The following SSB variants were observed in gnomAD, a reference collection of about 807,000 sequenced individuals.
SSB encodes lupus La protein.
A neutral mutation model predicts 52.9 loss-of-function variants in SSB; 17 were observed. The ratio of observed to expected loss-of-function variants is 0.32; its 90% CI spans 0.22 to 0.48. The LOEUF is 0.48. SSB is among the 20% of genes least tolerant of loss of function. The pLI, the probability that SSB is intolerant of heterozygous loss-of-function variation, is 0.99. For synonymous variants in SSB, 111 were observed against 152.1 expected, an observed-to-expected ratio of 0.73 and a Z score of 1.99; for missense variants, 314 against 463.6, an observed-to-expected ratio of 0.68 and a Z score of 2.96.
chr2:169,808,031 G>A (rs1189505201), intron 6 of SSB, among the ~76,000 whole-genome samples: 1 of 152,150 alleles, frequency 6.6e-6, no homozygotes, highest in Non-Finnish European at 1.5e-5. Context: ...GGATCTTGGG[G>A]ATTTTAGAAT....
intron 1 of SSB, chr2:169,799,400 C>G (rs1331084317): frequency 1.3e-5 from 2 of 151,156 alleles, no homozygotes; most frequent in Non-Finnish European, 2.9e-5. Context: ...TCTGTGGAGC[C>G]TATGGGACTG....
At chr2:169,803,226 T>TG (rs1573958112) in intron 2 of SSB, among the ~76,000 whole-genome samples, 2 of 152,034 alleles carry the variant, frequency 1.3e-5, no homozygotes, top group Non-Finnish European at 2.9e-5. Context: ...TGAAATGAGG[T>TG]TGGATTTTTT....
chr2:169,811,203 G>C lies in SSB; in HGVS notation c.1018G>C (p.Gly340Arg). The change falls in exon 11 of 12, where the codon GGA becomes CGA. Residue 340 changes from glycine (G) to arginine (R), a missense_variant. Transcript: ENST00000260956. ...KSKGRRFKGKGKGNKAAQPGS... is the reference protein window; with the variant it reads ...KSKGRRFKGKRKGNKAAQPGS... The stretch of plus-strand genomic sequence containing the variant: ...TACAGGTCGTAGATTTAAAGGAAAA[G>C]GAAAGGGTAATAAAGCTGCCCAGCC... The C allele has an allele frequency of 6.2e-7, 1 of 1,609,740 alleles. No individual in the cohort carries two copies. Among genetic ancestry groups the C allele is most frequent in the Non-Finnish European group, 8.5e-7 (1 of 1,179,118 alleles).
Position 169,810,972 on chromosome 2 carries a change from G to A in SSB, c.925G>A (p.Glu309Lys). Residue 309 changes from glutamate to lysine, a missense_variant, in exon 10 of 12, where the codon GAG becomes AAG. Physicochemically the swap from Glu to Lys is moderately conservative, Grantham distance 56. Transcript: ENST00000260956. Reference sequence around the variant, plus strand: ...AGTGACTTGGGAAGTACTAGAAGGAGAGGTGGAAAAAGAAGCACTGAAGAA... The same window carrying A: ...AGTGACTTGGGAAGTACTAGAAGGAAAGGTGGAAAAAGAAGCACTGAAGAA... ...KEVTWEVLEG[E>K]VEKEALKKII... 5.6e-6 allele frequency: 9 copies of A among 1,613,530 alleles called. No homozygotes were observed. The highest frequency in any genetic ancestry group is 6.8e-6 in the Non-Finnish European group (8 of 1,179,782).
intron 8 of SSB, 182 bp downstream of exon 8, chr2:169,809,084 C>T (rs1321031499): frequency 6.3e-6 from 4 of 637,216 alleles, no homozygotes; most frequent in African/African-American, 5.5e-5. Context: ...GAAATATGTT[C>T]TAAAATATGG....
chr2:169,810,481 A>G (rs1016738608), intron 9 of SSB, 58 bp downstream of exon 9: 113 of 1,473,644 alleles, frequency 7.7e-5, no homozygotes, highest in Non-Finnish European at 9.2e-5. Flanking sequence ...AGAAACTTAG[A>G]CAAAATTAGT....
At chr2:169,805,873 C>T (rs766314559) in intron 4 of SSB, 34 bp downstream of exon 4, 8 of 1,577,624 alleles carry the variant, frequency 5.1e-6, no homozygotes, top group Middle Eastern at 1.7e-4. Flanking sequence ...AAATATCTTA[C>T]ATTTATTTAG....
intron 2 of SSB, among the ~76,000 whole-genome samples, chr2:169,802,120 G>A (rs1231802818): frequency 1.3e-5 from 2 of 152,114 alleles, no homozygotes; most frequent in Non-Finnish European, 2.9e-5. Flanking sequence ...AGAAGGTAGA[G>A]GCTGCAGTGG....
In SSB at chr2:169,811,883, GTTGT is replaced by G. The variant is rs1558974267; in HGVS notation, c.*130_*133del. 1 of 1,611,280 alleles carries G rather than the reference GTTGT, an allele frequency of 6.2e-7. No homozygotes were observed. The highest frequency in any genetic ancestry group is 1.3e-5 in the African/African-American group (1 of 74,798). On this transcript the variant is annotated 3_prime_UTR_variant, in exon 12 of 12. Transcript: ENST00000260956. The stretch of plus-strand genomic sequence containing the variant: ...CCTGTGAGAAAGGAAAAATTTTTTT[GTTGT>G]TTAACTTGTCTTTTTGTTATGCAAA...
At chr2:169,799,261 C>A (rs762664044) in intron 1 of SSB, 1 of 150,388 alleles carries the variant, frequency 6.6e-6, no homozygotes, top group South Asian at 2.1e-4. Context: ...CTGTGGCTGC[C>A]CTCATCCCCA....
chr2:169,811,405 G>C, intron 11 of SSB, 82 bp downstream of exon 11: 1 of 1,446,824 alleles, frequency 6.9e-7, no homozygotes, highest in Non-Finnish European at 9.1e-7. Context: ...AGAGAATAGG[G>C]ATTTGGCTTT....
rs1400290253 is a variant in SSB at position 169,808,466 on chromosome 2, A to C, written c.555-16A>C. 6.2e-7 allele frequency: 1 copy of C among 1,608,248 alleles called. No homozygotes were observed. Among genetic ancestry groups the C allele is most frequent in the Non-Finnish European group, 8.5e-7 (1 of 1,174,970 alleles). ...TTGTTCTCGTGAACTTAGCCTCTGT[A>C]CTGTGTGTTCTTTAGGGACGATTAC... is the stretch of plus-strand genomic sequence containing the variant. On this transcript the variant is annotated splice_polypyrimidine_tract_variant and intron_variant, in intron 6 of 11. Coordinates refer to ENST00000260956, the MANE Select transcript of SSB (RefSeq NM_003142.5).
intron 2 of SSB, among the ~76,000 whole-genome samples, chr2:169,802,729 T>A (rs1262159590): frequency 6.6e-6 from 1 of 152,176 alleles, no homozygotes; most frequent in East Asian, 1.9e-4. Flanking sequence ...GAGCAGAAGG[T>A]ACAGAGATTT....
chr2:169,811,523 C>T, intron 11 of SSB, 145 bp from the exon 12 acceptor site: 2 of 1,292,844 alleles, frequency 1.5e-6, no homozygotes, highest in Non-Finnish European at 2.1e-6. Context: ...GAGGTCAGGT[C>T]TGTACTAAGA....
intron 6 of SSB, among the ~76,000 whole-genome samples, chr2:169,807,966 G>T (rs750393771): frequency 6.6e-5 from 10 of 152,008 alleles, no homozygotes; most frequent in Non-Finnish European, 1.3e-4. Context: ...ATGGGTCATA[G>T]TATCAGTGTT....
chr2:169,808,197 A>C (rs192116047), intron 6 of SSB, among the ~76,000 whole-genome samples: 8 of 152,304 alleles, frequency 5.3e-5, no homozygotes, highest in African/African-American at 1.9e-4. Flanking sequence ...AAATGTTCTG[A>C]AATTAGTAGT....
At chr2:169,804,762 T>G (rs1399158256) in intron 2 of SSB, among the ~76,000 whole-genome samples, 1 of 151,886 alleles carries the variant, frequency 6.6e-6, no homozygotes, top group Non-Finnish European at 1.5e-5. Context: ...GCCAGGGTGG[T>G]CTCAATCTCT....
chr2:169,806,141 T>A, intron 4 of SSB: 2 of 333,564 alleles, frequency 6.0e-6, no homozygotes, highest in Non-Finnish European at 5.8e-6. Context: ...TGGCAAAAAA[T>A]TTTTTGTAGA....
At chr2:169,805,225 T>C (rs1418255193) in intron 2 of SSB, among the ~76,000 whole-genome samples, 4 of 152,242 alleles carry the variant, frequency 2.6e-5, no homozygotes, top group Admixed American at 2.6e-4. Context: ...AGCCTTTTCA[T>C]ATAATCTTTA....
Sources: gnomAD v4.1 joint callset for allele counts (sites outside exome capture counted in the v4.1 genomes callset) on GRCh38, gnomAD v4.1.1 for gene constraint, MANE v1.5 for transcripts, NCBI Gene and HGNC (gene_info 2026-07-23, HGNC 2026-07-21) for gene names.